Variants in NUP50 observed in about 807,000 individuals in gnomAD.
NUP50 encodes the protein nuclear pore complex protein Nup50.
A neutral mutation model predicts 36.8 loss-of-function variants in NUP50; 14 were observed. The observed-to-expected ratio is 0.38, with a 90% CI of 0.25 to 0.59. The LOEUF is 0.59. Among genes scored for constraint, NUP50 ranks in the 20% least tolerant of loss-of-function variants. NUP50 has a pLI of 0.63. For missense variants in NUP50, 455 were observed against 564.6 expected (o/e 0.81, Z 1.97); for synonymous variants, 195 against 210.8 (o/e 0.93, Z 0.65).
Position 45,163,995 on chromosome 22 carries a change from G to A in NUP50, c.-312G>A, listed in dbSNP as rs2074053167. The A allele has an allele frequency of 6.6e-6, 1 of 152,220 alleles. No homozygotes were observed. The highest frequency in any genetic ancestry group is 1.5e-5 in the Non-Finnish European group (1 of 68,036). 9.4% of individuals were successfully genotyped at this position (152,220 alleles called of 1,614,324 possible). ...CCTTTTTTTCGAATTGGTTTTGGGG[G>A]TAGATTCGAGTTACAAAATGGCCGC... On this transcript the variant is annotated 5_prime_UTR_variant, in exon 1 of 8. Coordinates refer to ENST00000347635, the MANE Select transcript of NUP50 (RefSeq NM_007172.4).
At position 45,185,801 on chromosome 22, in the gene NUP50, C is replaced by G. The variant is rs1043044859; in HGVS notation, c.*1146C>G. On this transcript the variant is annotated 3_prime_UTR_variant, in exon 8 of 8. Transcript: ENST00000347635. ...CTCCAGAGGTGTCAGGTAACTAACA[C>G]GAGCATTCTTTGAAGACTCTGGGCA... The G allele has an allele frequency of 6.6e-6, 1 of 152,160 alleles. No individual in the cohort carries two copies. Among genetic ancestry groups the G allele is most frequent in the Non-Finnish European group, 1.5e-5 (1 of 68,036 alleles). The allele number at this position is 152,160 out of a possible 1,614,324, so 9.4% of individuals were successfully genotyped here.
chr22:45,169,775 G>A (rs540328536), intron 2 of NUP50, among the ~76,000 whole-genome samples: 2 of 152,330 alleles, frequency 1.3e-5, no homozygotes, highest in Admixed American at 1.3e-4. Flanking sequence ...TTACTTAGTA[G>A]ACCGTGAAAG....
At position 45,184,614 on chromosome 22, in the gene NUP50, G is replaced by A; in HGVS notation, c.1366G>A (p.Asp456Asn). 2.5e-6 allele frequency: 4 copies of A among 1,613,436 alleles called. No homozygotes were observed. Among genetic ancestry groups the A allele is most frequent in the Non-Finnish European group, 3.4e-6 (4 of 1,179,514 alleles). ...TCGGGTAAAAACCAGCGAGGATGCA[G>A]ACGAGTTGCACAAAATTTTACTGGA... is the stretch of plus-strand genomic sequence containing the variant. ...LIRVKTSEDA[D>N]ELHKILLEKK... is the part of the protein sequence containing the mutation. The change falls in exon 8 of 8, where the codon GAC (aspartate) becomes AAC (asparagine). Residue 456 changes from aspartate (D) to asparagine (N), a missense_variant. Asp to Asn is a conservative substitution (Grantham distance 23). Coordinates refer to ENST00000347635, the MANE Select transcript of NUP50 (RefSeq NM_007172.4).
rs1277863689 is a variant in NUP50, at chr22:45,164,228, C to T, written c.-79C>T. 1 of 152,340 alleles carries T rather than the reference C, an allele frequency of 6.6e-6. No individual in the cohort carries two copies. Among genetic ancestry groups the T allele is most frequent in the Non-Finnish European group, 1.5e-5 (1 of 68,136 alleles). The allele number at this position is 152,340 out of a possible 1,614,324, so 9.4% of individuals were successfully genotyped here. ...CGGCGACCCCTGCGGGCTCCAGACC[C>T]CTGCGCCGCTGCGCCCCGGGTTTCG... is the stretch of plus-strand genomic sequence containing the variant. On this transcript the variant is annotated 5_prime_UTR_variant, in exon 1 of 8. Transcript: ENST00000347635.
At chr22:45,183,654 T>C in intron 7 of NUP50, 134 bp downstream of exon 7, 3 of 663,828 alleles carry the variant, frequency 4.5e-6, no homozygotes, top group Admixed American at 2.4e-5. Flanking sequence ...TATTTACTTA[T>C]TTATAGTTTT....
chr22:45,180,596 T>G (rs2074352183), intron 5 of NUP50, among the ~76,000 whole-genome samples: 1 of 152,192 alleles, frequency 6.6e-6, no homozygotes, highest in African/African-American at 2.4e-5. Flanking sequence ...CAGACTGGTG[T>G]TGAACTCCTG....
intron 3 of NUP50, among the ~76,000 whole-genome samples, chr22:45,172,946 G>A (rs992973221): frequency 1.4e-4 from 21 of 152,182 alleles, no homozygotes; most frequent in African/African-American, 4.6e-4. Flanking sequence ...AATCCTACAT[G>A]AAATCGATTC....
rs2074320597 is a variant in NUP50, at chr22:45,178,826, G to C, written c.929G>C (p.Ser310Thr). 6.2e-7 allele frequency: 1 copy of C among 1,613,926 alleles called. No individual in the cohort carries two copies. Among genetic ancestry groups the C allele is most frequent in the Non-Finnish European group, 8.5e-7 (1 of 1,179,990 alleles). ...TTATTTGGCAAAGATACTACCCAGA[G>C]TAAACCAGTCTCTTCACCATTTCCC... ...SSLFGKDTTQSKPVSSPFPTK... is the reference protein window; with the variant it reads ...SSLFGKDTTQTKPVSSPFPTK... The change falls in exon 5 of 8, where the codon AGT becomes ACT. Residue 310 changes from serine (S) to threonine (T), a missense_variant. Ser to Thr is a moderately conservative substitution (Grantham distance 58). Coordinates refer to ENST00000347635, the MANE Select transcript of NUP50 (RefSeq NM_007172.4).
chr22:45,168,657 A>G (rs1189508850), intron 2 of NUP50, among the ~76,000 whole-genome samples: 1 of 152,164 alleles, frequency 6.6e-6, no homozygotes, highest in Non-Finnish European at 1.5e-5. Context: ...GTGGTACACC[A>G]TCACCATCTT....
intron 6 of NUP50, among the ~76,000 whole-genome samples, chr22:45,182,702 G>T (rs1175337229): frequency 7.6e-6 from 1 of 131,056 alleles, no homozygotes; most frequent in Non-Finnish European, 1.5e-5. Context: ...TCGGCTCACT[G>T]CAAGCTCCGC....
At chr22:45,184,010 C>A (rs529984384) in intron 7 of NUP50, 86 of 202,726 alleles carry the variant, frequency 4.2e-4, no homozygotes, top group Non-Finnish European at 7.2e-4. Context: ...TTTTCTTTCC[C>A]GTGGGCTTGA....
chr22:45,186,192 T>A lies in NUP50; in HGVS notation c.*1537T>A, dbSNP rs2074468467. 2 of 152,230 alleles carry A rather than the reference T, an allele frequency of 1.3e-5. No individual in the cohort carries two copies. Among genetic ancestry groups the A allele is most frequent in the African/African-American group, 4.8e-5 (2 of 41,460 alleles). 9.4% of individuals were successfully genotyped at this position (152,230 alleles called of 1,614,324 possible). A position where few individuals can be genotyped will look rare whatever the true frequency, so the allele number is the denominator to read the frequency against. ...CACTGGGAGAATTTGGCCTAGTGTG[T>A]GGCTTTGGATGAATCCGTGTAGAGA... On this transcript the variant is annotated 3_prime_UTR_variant, in exon 8 of 8. Coordinates refer to ENST00000347635, the MANE Select transcript of NUP50 (RefSeq NM_007172.4).
rs2083467636 is a variant in NUP50 at position 45,187,976 on chromosome 22, A to C, written c.*3321A>C. On this transcript the variant is annotated 3_prime_UTR_variant, in exon 8 of 8. Coordinates refer to ENST00000347635, the MANE Select transcript of NUP50 (RefSeq NM_007172.4). The stretch of plus-strand genomic sequence containing the variant: ...ATGCTCCCATCGAGGAAGTGTAACA[A>C]TCCATGAAATGTGAATAAATGAAAA... 1 of 152,692 alleles carries C rather than the reference A, an allele frequency of 6.5e-6. No homozygotes were observed. Among genetic ancestry groups the C allele is most frequent in the South Asian group, 2.1e-4 (1 of 4,834 alleles). 9.5% of individuals were successfully genotyped at this position (152,692 alleles called of 1,614,324 possible).
chr22:45,179,400 C>T (rs2147695652), intron 5 of NUP50: 1 of 154,326 alleles, frequency 6.5e-6, no homozygotes, highest in Non-Finnish European at 1.4e-5. Context: ...GGAGGCGCCT[C>T]CTTTCCAGAG....
In NUP50 at chr22:45,181,332, C is replaced by A. The variant is rs371164695; in HGVS notation, c.1050C>A (p.Thr350=). ...ATGAGCCACCCAAAGTAGTAGTTAC[C>A]GAAGTAAAAGAAGAAGATGCTTTTT... ...ENDEPPKVVV[T]EVKEEDAFYS... Residue 350 remains threonine (T), a synonymous_variant, in exon 6 of 8, where the codon ACC becomes ACA. Coordinates refer to ENST00000347635, the MANE Select transcript of NUP50 (RefSeq NM_007172.4). 1.9e-6 allele frequency: 3 copies of A among 1,589,846 alleles called. No individual in the cohort carries two copies. The highest frequency in any genetic ancestry group is 2.3e-5 in the South Asian group (2 of 86,950).
rs1569042845 is a variant in NUP50 at position 45,168,186 on chromosome 22, A to G, written c.9A>G (p.Lys3=). The G allele has an allele frequency of 6.2e-7, 1 of 1,610,616 alleles. No individual in the cohort carries two copies. ...AACTTAGGTTCGAAAACATGGCCAA[A>G]AGAAATGCCGAGAAGGAACTGACAG... MA[K]RNAEKELTDR... The change falls in exon 2 of 8, where the codon AAA becomes AAG. Residue 3 remains lysine, a synonymous_variant. Transcript: ENST00000347635.
chr22:45,182,518 GAAGA>G (rs1015715006), intron 6 of NUP50, among the ~76,000 whole-genome samples: 1 of 151,980 alleles, frequency 6.6e-6, no homozygotes, highest in Non-Finnish European at 1.5e-5. Flanking sequence ...AGGAGGCTGG[GAAGA>G]TATTTGATTA....
Position 45,187,962 on chromosome 22 carries a change from G to C in NUP50, c.*3307G>C, listed in dbSNP as rs1345477219. Reference sequence around the variant, plus strand: ...GTATTAGTTTTTGAATGCTCCCATCGAGGAAGTGTAACAATCCATGAAATG... The same window carrying C: ...GTATTAGTTTTTGAATGCTCCCATCCAGGAAGTGTAACAATCCATGAAATG... On this transcript the variant is annotated 3_prime_UTR_variant, in exon 8 of 8. Coordinates refer to ENST00000347635, the MANE Select transcript of NUP50 (RefSeq NM_007172.4). The C allele has an allele frequency of 6.6e-6, 1 of 152,588 alleles. No individual in the cohort carries two copies. The highest frequency in any genetic ancestry group is 2.4e-5 in the African/African-American group (1 of 41,434). 9.5% of individuals were successfully genotyped at this position (152,588 alleles called of 1,614,324 possible).
chr22:45,169,810 CAG>C (rs2074156428), intron 2 of NUP50, among the ~76,000 whole-genome samples: 1 of 152,180 alleles, frequency 6.6e-6, no homozygotes. Flanking sequence ...TTGGAGGAGT[CAG>C]GGAACACTCT....
Sources: allele counts gnomAD v4.1 joint callset (sites outside exome capture counted in the v4.1 genomes callset), GRCh38; gene constraint gnomAD v4.1.1; transcripts MANE v1.5; gene names NCBI Gene and HGNC (gene_info 2026-07-23, HGNC 2026-07-21).